TENM1: variants seen among roughly 807,000 people sequenced by gnomAD.
TENM1 encodes the protein teneurin-1.
In TENM1, 35 loss-of-function variants were observed where a neutral mutation model predicts 174.8. The ratio of observed to expected loss-of-function variants is 0.20; its 90% confidence interval spans 0.15 to 0.27. The LOEUF is 0.27. Ranked by LOEUF, TENM1 falls within the 10% of genes least tolerant of loss-of-function variation. The probability of loss-of-function intolerance (pLI) is 1.00; values close to 1 mark genes in which losing one functional copy is unlikely to be tolerated. For missense variants in TENM1, 1,633 were observed against 2,130.1 expected, an observed-to-expected ratio of 0.77 and a Z score of 4.59; for synonymous variants, 781 against 798.7, an observed-to-expected ratio of 0.98 and a Z score of 0.37.
At chrX:124,793,441 T>C (rs1355651705) in intron 3 of TENM1, among the ~76,000 whole-genome samples, 1 of 111,836 alleles carries the variant, frequency 8.9e-6, no homozygotes, top group Non-Finnish European at 1.9e-5. Context: ...CAAAAAATAA[T>C]GAAAACTAAG....
chrX:124,627,554 C>T (rs930574031), intron 11 of TENM1, among the ~76,000 whole-genome samples: 2 of 111,767 alleles, frequency 1.8e-5, no homozygotes, highest in South Asian at 3.7e-4. Flanking sequence ...AGCTCAGATG[C>T]CAACTGACAG....
chrX:124,805,780 G>A (rs1295065790), intron 3 of TENM1, among the ~76,000 whole-genome samples: 1 of 113,125 alleles, frequency 8.8e-6, no homozygotes, highest in Non-Finnish European at 1.9e-5. Context: ...TAGGGACCAG[G>A]CCAGAGGGCC....
intron 28 of TENM1, among the ~76,000 whole-genome samples, chrX:124,387,614 T>G (rs1256732551): frequency 8.9e-6 from 1 of 112,689 alleles, no homozygotes; most frequent in Admixed American, 9.4e-5. Context: ...TACATTTATA[T>G]CTTCTAAATA....
chrX:124,672,774 A>G (rs781247979), intron 5 of TENM1, among the ~76,000 whole-genome samples: 13 of 111,832 alleles, frequency 1.2e-4, no homozygotes, highest in Non-Finnish European at 2.4e-4. Context: ...AGACCATGCA[A>G]TGGCATGGGA....
chrX:124,674,164 G>C (rs1189041654), intron 5 of TENM1, among the ~76,000 whole-genome samples: 3 of 109,324 alleles, frequency 2.7e-5, no homozygotes, highest in Non-Finnish European at 3.8e-5. Flanking sequence ...AGAGGCAATA[G>C]TTGAAGTTGT....
chrX:124,442,499 G>A (rs891671593), intron 23 of TENM1, among the ~76,000 whole-genome samples: 76 of 111,492 alleles, frequency 6.8e-4, no homozygotes, highest in African/African-American at 2.3e-3. Context: ...AGAAAAGCAA[G>A]TAATCCATGA....
intron 3 of TENM1, among the ~76,000 whole-genome samples, chrX:124,742,279 G>A (rs899763892): frequency 9.0e-6 from 1 of 110,942 alleles, no homozygotes; most frequent in Admixed American, 9.7e-5. Context: ...AATCATGTCT[G>A]TACTTCCTGG....
chrX:124,872,009 C>T (rs1452315196), intron 3 of TENM1, among the ~76,000 whole-genome samples: 2 of 90,102 alleles, frequency 2.2e-5, no homozygotes, highest in African/African-American at 9.0e-5. Context: ...TCCAGCCTGG[C>T]GACAGAGCGA....
chrX:125,085,199 T>C, the TENM1 span, among the ~76,000 whole-genome samples: 1 of 110,873 alleles, frequency 9.0e-6, no homozygotes, highest in Non-Finnish European at 1.9e-5. Context: ...AAAAAAATGT[T>C]ACCTACACAA....
chrX:125,193,379 G>A, the TENM1 span, among the ~76,000 whole-genome samples: 16 of 111,877 alleles, frequency 1.4e-4, no homozygotes, highest in African/African-American at 4.9e-4. Flanking sequence ...GTGATGTGTA[G>A]GTATTGTATT....
the TENM1 span, among the ~76,000 whole-genome samples, chrX:125,012,452 C>A: frequency 8.9e-6 from 1 of 112,387 alleles, no homozygotes; most frequent in South Asian, 3.6e-4. Flanking sequence ...CTCCTTAGAA[C>A]TTTAAAGTAC....
At chrX:124,520,476 G>A in intron 18 of TENM1, 41 bp downstream of exon 21, 2 of 1,097,717 alleles carry the variant, frequency 1.8e-6, no homozygotes, top group Non-Finnish European at 2.5e-6. Flanking sequence ...TCTGTTCTGT[G>A]CATGTAATAC....
rs187533550 is a variant in TENM1 at position 124,434,672 on chromosome X, T to C, written c.4105-12034A>G. ...GTTTAACCACTTCCAGTTTTCAATT[T>C]ACAGTCAAAGTCATCTATCAGCAGG... On this transcript the variant is annotated intron_variant, in intron 23 of 31. Coordinates refer to ENST00000422452, the Ensembl canonical transcript of TENM1. 2.9e-3 allele frequency among the ~76,000 whole-genome samples: 329 copies of C among 112,783 alleles called. 2 individuals are homozygous for C. The highest frequency in any genetic ancestry group is 5.2e-3 in the Non-Finnish European group (275 of 53,353).
At chrX:124,414,242 G>A (rs2060568898) in intron 25 of TENM1, among the ~76,000 whole-genome samples, 1 of 111,760 alleles carries the variant, frequency 8.9e-6, no homozygotes, top group Non-Finnish European at 1.9e-5. Flanking sequence ...TTCCCACAAA[G>A]GGCAAGGGGC....
the TENM1 span, among the ~76,000 whole-genome samples, chrX:125,062,841 C>G: frequency 8.9e-6 from 1 of 111,945 alleles, no homozygotes; most frequent in Non-Finnish European, 1.9e-5. Flanking sequence ...ACTTCAGTCC[C>G]CTTTTGAGCA....
In TENM1 at chrX:124,414,602, T is replaced by G. The variant is rs1010446699; in HGVS notation, c.4982+5709A>C. On this transcript the variant is annotated intron_variant, in intron 25 of 31. Coordinates refer to ENST00000422452, the Ensembl canonical transcript of TENM1. Reference sequence around the variant, plus strand: ...TCATGGGCAATGGTGCATCAAATACTAACACTTGGGGTGTGCAATTTTGAT... The same window carrying G: ...TCATGGGCAATGGTGCATCAAATACGAACACTTGGGGTGTGCAATTTTGAT... 3.6e-5 allele frequency among the ~76,000 whole-genome samples: 4 copies of G among 111,279 alleles called. No individual in the cohort carries two copies. In the East Asian group the frequency reaches 1.1e-3, roughly 31 times the overall value.
chrX:125,161,039 T>TAAAA, the TENM1 span, among the ~76,000 whole-genome samples: 29 of 53,409 alleles, frequency 5.4e-4, no homozygotes, highest in African/African-American at 8.3e-4. Context: ...GGCCAAAAAG[T>TAAAA]AAAAAAAAAA....
intron 11 of TENM1, among the ~76,000 whole-genome samples, chrX:124,568,743 C>T (rs758988701): frequency 9.0e-6 from 1 of 111,114 alleles, no homozygotes; most frequent in African/African-American, 3.3e-5. Context: ...TGCCAAGTTC[C>T]AGAAGAAAAA....
chrX:125,090,914 A>G, the TENM1 span, among the ~76,000 whole-genome samples: 610 of 111,842 alleles, frequency 5.5e-3, 3 homozygotes, highest in African/African-American at 0.018. Flanking sequence ...GGAATGGGGG[A>G]AAATTACATT....
Sources: allele counts gnomAD v4.1 joint callset (sites outside exome capture counted in the v4.1 genomes callset), GRCh38; gene constraint gnomAD v4.1.1; transcripts MANE v1.5; gene names NCBI Gene and HGNC (gene_info 2026-07-23, HGNC 2026-07-21).